FMN1: variants seen among roughly 807,000 people sequenced by gnomAD.
FMN1 encodes the protein formin-1.
In FMN1, 110 loss-of-function variants were observed where a neutral mutation model predicts 132.4. That is an observed-to-expected ratio of 0.83 (90% CI 0.71 to 0.97). The LOEUF is 0.97. Among genes scored for constraint, FMN1 ranks in the 50% least tolerant of loss-of-function variants. FMN1 has a pLI of 0.00. For synonymous variants in FMN1, 722 were observed against 651.7 expected, an observed-to-expected ratio of 1.11 and a Z score of -1.64; for missense variants, 1,792 against 1,705.3, an observed-to-expected ratio of 1.05 and a Z score of -0.90.
intron 9 of FMN1, among the ~76,000 whole-genome samples, chr15:32,958,560 A>ACATT (rs1196362047): frequency 6.6e-6 from 1 of 151,254 alleles, no homozygotes; most frequent in East Asian, 1.9e-4. Flanking sequence ...ATACATACAT[A>ACATT]CATACATACA....
intron 6 of FMN1, among the ~76,000 whole-genome samples, chr15:33,015,774 A>G (rs1014131353): frequency 6.6e-6 from 1 of 152,240 alleles, no homozygotes; most frequent in Admixed American, 6.5e-5. Flanking sequence ...AACTTAGCAC[A>G]CACACCGGCA....
intron 16 of FMN1, among the ~76,000 whole-genome samples, chr15:32,878,311 G>A (rs762639493): frequency 1.5e-4 from 23 of 152,190 alleles, no homozygotes; most frequent in South Asian, 1.2e-3. Flanking sequence ...CAGTTTGTAC[G>A]GCATGAGTAT....
At chr15:32,831,398 A>G (rs1350456424) in intron 17 of FMN1, among the ~76,000 whole-genome samples, 18 of 152,052 alleles carry the variant, frequency 1.2e-4, no homozygotes, top group Admixed American at 1.1e-3. Flanking sequence ...TATAACGCAC[A>G]TATCATGGAA....
intron 17 of FMN1, among the ~76,000 whole-genome samples, chr15:32,854,270 A>G (rs1022707497): frequency 3.3e-5 from 5 of 152,194 alleles, no homozygotes; most frequent in African/African-American, 9.7e-5. Flanking sequence ...GCCACATTTC[A>G]GCTTCTCAAA....
chr15:32,935,652 G>T (rs1045087835), intron 9 of FMN1, among the ~76,000 whole-genome samples: 3 of 150,824 alleles, frequency 2.0e-5, no homozygotes, highest in African/African-American at 4.9e-5. Context: ...TTTTGAGACG[G>T]AGTCTTGCTC....
At chr15:32,958,719 T>C (rs2030138012) in intron 9 of FMN1, among the ~76,000 whole-genome samples, 1 of 152,150 alleles carries the variant, frequency 6.6e-6, no homozygotes, top group South Asian at 2.1e-4. Flanking sequence ...ACGTGAAATG[T>C]GCTGAGGGAT....
intron 4 of FMN1, among the ~76,000 whole-genome samples, chr15:33,139,649 TA>T (rs1461716209): frequency 6.6e-6 from 1 of 152,140 alleles, no homozygotes; most frequent in Admixed American, 6.5e-5. Context: ...TCAATGTCAC[TA>T]AAGATCCAAA....
intron 3 of FMN1, among the ~76,000 whole-genome samples, chr15:33,164,836 C>A (rs1448170166): frequency 1.3e-5 from 2 of 152,042 alleles, no homozygotes; most frequent in Non-Finnish European, 2.9e-5. Context: ...TTATGGGGTA[C>A]ATGAAATATT....
At chr15:32,864,502 T>C (rs2059347927) in intron 16 of FMN1, among the ~76,000 whole-genome samples, 2 of 152,206 alleles carry the variant, frequency 1.3e-5, no homozygotes, top group South Asian at 4.1e-4. Context: ...GTGTTTTCCT[T>C]CTTTAACCTT....
chr15:32,899,970 A>T lies in FMN1; in HGVS notation c.3654+9T>A. The T allele has an allele frequency of 6.2e-7, 1 of 1,610,562 alleles. No individual in the cohort carries two copies. The highest frequency in any genetic ancestry group is 8.5e-7 in the Non-Finnish European group (1 of 1,179,060). ...CAGATCATGGGAACTTATTATGAAAAATAAATACCCGACTTTTGACATCCT... is the reference window on the plus strand; with the variant it reads ...CAGATCATGGGAACTTATTATGAAATATAAATACCCGACTTTTGACATCCT... On this transcript the variant is annotated intron_variant, in intron 14 of 20. Transcript: ENST00000616417.
At chr15:33,137,513 C>G (rs1028956261) in intron 4 of FMN1, among the ~76,000 whole-genome samples, 2 of 151,966 alleles carry the variant, frequency 1.3e-5, no homozygotes, top group African/African-American at 4.8e-5. Context: ...CAGTAGAGCC[C>G]CAGATTAATG....
chr15:33,141,040 T>G (rs532652391), intron 4 of FMN1, among the ~76,000 whole-genome samples: 1 of 152,296 alleles, frequency 6.6e-6, no homozygotes, highest in East Asian at 1.9e-4. Context: ...ATATGATTTC[T>G]TTACAAATGT....
intron 17 of FMN1, among the ~76,000 whole-genome samples, chr15:32,819,133 G>A (rs759065342): frequency 3.2e-4 from 48 of 152,292 alleles, no homozygotes; most frequent in Non-Finnish European, 5.6e-4. Context: ...ATGTTCAACT[G>A]AGGCTGAGCT....
At chr15:32,838,551 T>A (rs947525612) in intron 17 of FMN1, among the ~76,000 whole-genome samples, 14 of 152,214 alleles carry the variant, frequency 9.2e-5, no homozygotes, top group South Asian at 2.1e-4. Context: ...TGTCCTCTCC[T>A]GGCCTCCAGC....
chr15:33,005,696 T>A (rs1057405671), intron 7 of FMN1, among the ~76,000 whole-genome samples: 17 of 152,216 alleles, frequency 1.1e-4, no homozygotes, highest in Non-Finnish European at 2.4e-4. Context: ...TGTGGAAAGC[T>A]AGGGTTAACT....
intron 17 of FMN1, among the ~76,000 whole-genome samples, chr15:32,816,658 A>G (rs2058069153): frequency 6.6e-6 from 1 of 152,058 alleles, no homozygotes; most frequent in African/African-American, 2.4e-5. Context: ...AGTTTTCACT[A>G]GGCCACACTG....
intron 6 of FMN1, among the ~76,000 whole-genome samples, chr15:33,008,575 G>A (rs1222475611): frequency 6.6e-6 from 1 of 152,170 alleles, no homozygotes; most frequent in African/African-American, 2.4e-5. Context: ...CTTTATCTCA[G>A]AAAGTCAATA....
Position 32,964,194 on chromosome 15 carries a change from T to A in FMN1, c.3051A>T (p.Glu1017Asp). 6.2e-7 allele frequency: 1 copy of A among 1,612,934 alleles called. No homozygotes were observed. Among genetic ancestry groups the A allele is most frequent in the Non-Finnish European group, 8.5e-7 (1 of 1,179,104 alleles). The change falls in exon 9 of 21, where the codon GAA becomes GAT. Residue 1017 changes from glutamate to aspartate, a missense_variant. Physicochemically the swap from Glu to Asp is conservative, Grantham distance 45. Around this residue, in one of 3 missense-constraint regions of FMN1, gnomAD observed 1,150 missense variants for 1,043.1 expected, o/e 1.10. Coordinates refer to ENST00000616417, the MANE Select transcript of FMN1 (RefSeq NM_001277313.2). ...TGTCTTTGGAGAATAAATACTCAAATTCACTGGGGTCCCGAATGTCAGGTT... is the reference window on the plus strand; with the variant it reads ...TGTCTTTGGAGAATAAATACTCAAAATCACTGGGGTCCCGAATGTCAGGTT... The part of the protein sequence containing the change: ...LEEPDIRDPS[E>D]FEYLFSKDTT...
chr15:32,805,466 A>G (rs2057646641), intron 17 of FMN1, among the ~76,000 whole-genome samples: 1 of 152,132 alleles, frequency 6.6e-6, no homozygotes, highest in African/African-American at 2.4e-5. Context: ...GTTCACTCTG[A>G]TGACAGTTTC....
Sources: allele counts gnomAD v4.1 joint callset (sites outside exome capture counted in the v4.1 genomes callset), GRCh38; gene constraint gnomAD v4.1.1; regional missense constraint gnomAD v4.1.1; transcripts MANE v1.5; gene names NCBI Gene and HGNC (gene_info 2026-07-23, HGNC 2026-07-21).